STMN1: variants seen among roughly 807,000 people sequenced by gnomAD.
The protein encoded by STMN1 is stathmin.
In STMN1, 3 loss-of-function variants were observed where a neutral mutation model predicts 19.7. The ratio of observed to expected loss-of-function variants is 0.15; its 90% CI spans 0.07 to 0.39. The LOEUF is 0.39. Ranked by LOEUF, STMN1 falls within the 10% of genes least tolerant of loss-of-function variation. STMN1 has a pLI of 1.00. For synonymous variants in STMN1, 59 were observed against 58.9 expected (o/e 1.00, Z -0.01); for missense variants, 99 against 176.0 (o/e 0.56, Z 2.48).
Position 25,906,408 on chromosome 1 carries a change from T to C in STMN1, c.-82A>G, listed in dbSNP as rs1417806691. 3.2e-5 allele frequency: 5 copies of C among 154,200 alleles called. No individual in the cohort carries two copies. In the East Asian group the frequency reaches 5.8e-4, roughly 18 times the overall value. 9.6% of individuals were successfully genotyped at this position (154,200 alleles called of 1,614,324 possible). On this transcript the variant is annotated 5_prime_UTR_variant, in exon 1 of 5. Coordinates refer to ENST00000455785, the MANE Select transcript of STMN1 (RefSeq NM_005563.4). The surrounding 1 kb of genome is among the most constrained non-coding windows in gnomAD (Gnocchi z 4.5). ...ACCCACCTGCTCAGTCCGAGCCGCC[T>C]GACCACACTCTGAGCACCAACAGAC...
chr1:25,901,354 C>G, intron 4 of STMN1, 137 bp downstream of exon 4: 3 of 1,198,158 alleles, frequency 2.5e-6, no homozygotes, highest in East Asian at 2.4e-5. Flanking sequence ...TTAAAATATA[C>G]CTTTCATTTA....
chr1:25,904,881 T>G, intron 1 of STMN1, 143 bp from the exon 2 acceptor site: 1 of 489,826 alleles, frequency 2.0e-6, no homozygotes, highest in East Asian at 3.4e-5. Context: ...CGAAAAAAAT[T>G]ATCAAAATCT....
chr1:25,889,192 G>A (rs1000887262), intron 4 of STMN1: 24 of 298,834 alleles, frequency 8.0e-5, no homozygotes, highest in East Asian at 4.4e-4. Flanking sequence ...AAATGTCACC[G>A]TTATCTGCAG....
downstream of STMN1, chr1:25,884,682 T>G (rs953708158): frequency 8.7e-6 from 1 of 114,294 alleles, no homozygotes; most frequent in Non-Finnish European, 1.7e-5. Context: ...GGCGACAGAG[T>G]GAGACTCTGC....
intron 4 of STMN1, chr1:25,892,519 A>T: frequency 1.0e-6 from 1 of 984,764 alleles, no homozygotes; most frequent in Non-Finnish European, 1.2e-6. Flanking sequence ...CTTACCTCAG[A>T]TTCCTTCTTT....
chr1:25,891,099 G>A (rs552509638), intron 4 of STMN1, among the ~76,000 whole-genome samples: 13 of 152,238 alleles, frequency 8.5e-5, no homozygotes, highest in African/African-American at 2.9e-4. Flanking sequence ...TTGGGAGGCC[G>A]AGGTGGCTGG....
rs1406701327 is a variant in STMN1 at position 25,900,131 on chromosome 1, A to C, written c.*885T>G. The C allele has an allele frequency of 1.0e-6, 1 of 985,846 alleles. No homozygotes were observed. The highest frequency in any genetic ancestry group is 1.2e-6 in the Non-Finnish European group (1 of 829,932). 61.1% of individuals were successfully genotyped at this position (985,846 alleles called of 1,614,324 possible). On this transcript the variant is annotated 3_prime_UTR_variant, in exon 5 of 5. Transcript: ENST00000455785. Reference sequence around the variant, plus strand: ...TTCACAGGAGTTGCTACAGCAGTACATAAAGTTTTATTAATATTCTGATTC... The same window carrying C: ...TTCACAGGAGTTGCTACAGCAGTACCTAAAGTTTTATTAATATTCTGATTC...
At chr1:25,891,011 T>C (rs1322468832) in intron 4 of STMN1, among the ~76,000 whole-genome samples, 2 of 152,120 alleles carry the variant, frequency 1.3e-5, no homozygotes, top group African/African-American at 2.4e-5. Context: ...TAAAAAAGAA[T>C]AGTATTTACT....
At chr1:25,889,094 C>G (rs898229631) in intron 4 of STMN1, 3 of 483,098 alleles carry the variant, frequency 6.2e-6, no homozygotes, top group Non-Finnish European at 8.2e-6. Flanking sequence ...GGAGGAGAAC[C>G]AAGCTGGGTC....
chr1:25,901,994 A>G (rs967325075), intron 3 of STMN1: 5 of 192,104 alleles, frequency 2.6e-5, no homozygotes, highest in Non-Finnish European at 3.2e-5. Context: ...TGGGTGACAG[A>G]GACTCTGCCT....
intron 4 of STMN1, among the ~76,000 whole-genome samples, chr1:25,886,584 T>G (rs1481206976): frequency 6.7e-6 from 1 of 148,258 alleles, no homozygotes; most frequent in African/African-American, 2.5e-5. Flanking sequence ...CACCACTTTT[T>G]TTTTTTTTTT....
At chr1:25,899,710 T>C (rs1446231731), downstream of STMN1, among the ~76,000 whole-genome samples, 1 of 152,148 alleles carries the variant, frequency 6.6e-6, no homozygotes, top group African/African-American at 2.4e-5. Flanking sequence ...CACAAACCCA[T>C]TTAATCCTAA....
At chr1:25,899,941 TCTCAAATAGCA>T (rs1273849513), downstream of STMN1, among the ~76,000 whole-genome samples, 1 of 152,164 alleles carries the variant, frequency 6.6e-6, no homozygotes, top group Non-Finnish European at 1.5e-5. Flanking sequence ...TTAGGCTATT[TCTCAAATAGCA>T]CAGGAAAGCT....
intron 4 of STMN1, among the ~76,000 whole-genome samples, chr1:25,894,821 C>T (rs1391280933): frequency 9.8e-5 from 15 of 152,304 alleles, no homozygotes; most frequent in Admixed American, 8.5e-4. Context: ...ATCCTCCCTC[C>T]TCGGCCTCCC....
intron 2 of STMN1, among the ~76,000 whole-genome samples, chr1:25,904,351 G>C (rs1274041104): frequency 6.6e-6 from 1 of 152,096 alleles, no homozygotes; most frequent in Non-Finnish European, 1.5e-5. Context: ...CCATCTCCCA[G>C]AAAAACAAAG....
Position 25,891,693 on chromosome 1 carries a change from C to T in STMN1, c.379-5824G>A, listed in dbSNP as rs531929111. Among the ~76,000 whole-genome samples, 5 of 152,316 alleles carry T rather than the reference C, an allele frequency of 3.3e-5. No individual in the cohort carries two copies. In the South Asian group the frequency reaches 8.3e-4, roughly 25 times the overall value. ...GTTGGCAGAGGCAAGTACAGAGAGG[C>T]GGCCAGTGGGGACAGGGCTGTGGAG... On this transcript the variant is annotated intron_variant, in intron 4 of 4. Transcript: ENST00000426559.
chr1:25,899,933 A>C (rs1291313804), downstream of STMN1, among the ~76,000 whole-genome samples: 1 of 152,174 alleles, frequency 6.6e-6, no homozygotes, highest in Non-Finnish European at 1.5e-5. Flanking sequence ...ATGTATAATT[A>C]GGCTATTTCT....
intron 4 of STMN1, among the ~76,000 whole-genome samples, chr1:25,891,139 C>T (rs200854321): frequency 4.6e-5 from 7 of 152,038 alleles, no homozygotes; most frequent in Non-Finnish European, 2.9e-5. Flanking sequence ...TCAAGACCAG[C>T]CTGACCAACA....
At chr1:25,885,502 A>T in exon 5 of STMN1, 1 of 510,668 alleles carries the variant, frequency 2.0e-6, no homozygotes, top group Non-Finnish European at 3.3e-6. Context: ...GTCTGTCCTT[A>T]CAACAAACCA....
Sources: allele counts gnomAD v4.1 joint callset (sites outside exome capture counted in the v4.1 genomes callset), GRCh38; gene constraint gnomAD v4.1.1; non-coding constraint Gnocchi (gnomAD v3.1); transcripts MANE v1.5; gene names NCBI Gene and HGNC (gene_info 2026-07-23, HGNC 2026-07-21).